PDZD2: variants seen among roughly 807,000 people sequenced by gnomAD.
The protein encoded by PDZD2 is PDZ domain containing 2.
A neutral mutation model predicts 220.7 loss-of-function variants in PDZD2; 90 were observed. The ratio of observed to expected loss-of-function variants is 0.41; its 90% CI spans 0.34 to 0.49. The LOEUF is 0.49. Among genes scored for constraint, PDZD2 ranks in the 20% least tolerant of loss-of-function variants. PDZD2 has a pLI of 0.28. For synonymous variants in PDZD2, 1,375 were observed against 1,450.5 expected, an observed-to-expected ratio of 0.95 and a Z score of 1.18; for missense variants, 3,174 against 3,608.5, an observed-to-expected ratio of 0.88 and a Z score of 3.08.
chr5:31,926,202 G>A (rs530573282), intron 2 of PDZD2, among the ~76,000 whole-genome samples: 67 of 145,468 alleles, frequency 4.6e-4, no homozygotes, highest in Non-Finnish European at 7.8e-4. Context: ...CCTGGGCAAC[G>A]GAGCAAGACC....
At chr5:32,025,245 G>C (rs1465128885) in intron 6 of PDZD2, among the ~76,000 whole-genome samples, 3 of 152,202 alleles carry the variant, frequency 2.0e-5, no homozygotes, top group African/African-American at 4.8e-5. Flanking sequence ...GTGAGCCCTG[G>C]CCGGGTGCGG....
At chr5:32,097,551 A>G (rs1400823554) in intron 22 of PDZD2, among the ~76,000 whole-genome samples, 171 bp downstream of exon 22, 1 of 152,240 alleles carries the variant, frequency 6.6e-6, no homozygotes, top group Non-Finnish European at 1.5e-5. Context: ...TTTCGTTGAC[A>G]AAAGACAAGC....
At chr5:31,697,234 G>A (rs1374703233) in intron 1 of PDZD2, among the ~76,000 whole-genome samples, 1 of 152,200 alleles carries the variant, frequency 6.6e-6, no homozygotes, top group African/African-American at 2.4e-5. Flanking sequence ...AGGCCAAGGT[G>A]GGTGGATCAC....
rs368819134 is a variant in PDZD2, at chr5:32,052,712, G to A, written c.1767G>A (p.Leu589=). 3 of 1,614,018 alleles carry A rather than the reference G, an allele frequency of 1.9e-6. No individual in the cohort carries two copies. Among genetic ancestry groups the A allele is most frequent in the African/African-American group, 1.3e-5 (1 of 75,066 alleles). The part of the protein sequence containing the change: ...IRPSVISIIG[L]YKEKGKGLGF... ...CATCCGTCATCTCGATCATTGGGTT[G>A]TACAAAGAAAAAGGCAAGGTGAGCT... Residue 589 remains leucine (L), a synonymous_variant, in exon 9 of 25, where the codon TTG becomes TTA. Transcript: ENST00000438447.
rs556457640 is a variant in PDZD2, at chr5:31,672,006, T to G, written c.-361+32569T>G. ...ATTCTGATGCCTGAGGATGGATAATTGTTGTGGGAGCTGCCCATGGACAGT... is the reference window on the plus strand; with the variant it reads ...ATTCTGATGCCTGAGGATGGATAATGGTTGTGGGAGCTGCCCATGGACAGT... On this transcript the variant is annotated intron_variant, in intron 1 of 24. Transcript: ENST00000438447. 2.0e-5 allele frequency among the ~76,000 whole-genome samples: 3 copies of G among 152,150 alleles called. No homozygotes were observed. In the East Asian group the frequency reaches 5.8e-4, roughly 29 times the overall value.
At chr5:32,034,277 T>TA (rs1755353246) in intron 6 of PDZD2, among the ~76,000 whole-genome samples, 1 of 152,074 alleles carries the variant, frequency 6.6e-6, no homozygotes, top group East Asian at 1.9e-4. Flanking sequence ...AAGGCGGTAA[T>TA]GTCTTACAAG....
intron 19 of PDZD2, among the ~76,000 whole-genome samples, chr5:32,079,590 C>T (rs1049681270): frequency 5.3e-5 from 8 of 150,814 alleles, no homozygotes; most frequent in African/African-American, 1.9e-4. Context: ...GTGGATCCCC[C>T]GAGGTCAGGA....
chr5:31,682,425 A>T (rs80252059), intron 1 of PDZD2, among the ~76,000 whole-genome samples: 1,781 of 152,304 alleles, frequency 0.012, 38 homozygotes, highest in African/African-American at 0.04. Context: ...AAAGGTGGTT[A>T]ATTGGGAGAA....
chr5:31,932,309 G>A (rs1388911626), intron 2 of PDZD2, among the ~76,000 whole-genome samples: 1 of 152,168 alleles, frequency 6.6e-6, no homozygotes, highest in Non-Finnish European at 1.5e-5. Flanking sequence ...TGTACTTTAG[G>A]AGGCCGAGGC....
intron 14 of PDZD2, among the ~76,000 whole-genome samples, chr5:32,065,502 C>G (rs1740132945): frequency 6.6e-6 from 1 of 152,144 alleles, no homozygotes; most frequent in African/African-American, 2.4e-5. Flanking sequence ...TTCTTGGTGG[C>G]ATCAATTTAG....
chr5:32,070,402 A>G (rs1740630023), intron 15 of PDZD2, among the ~76,000 whole-genome samples: 1 of 152,200 alleles, frequency 6.6e-6, no homozygotes, highest in African/African-American at 2.4e-5. Context: ...TAGGCTTTCT[A>G]TTCAACCAGT....
chr5:32,063,363 T>C (rs1182172835), intron 14 of PDZD2, among the ~76,000 whole-genome samples: 1 of 152,112 alleles, frequency 6.6e-6, no homozygotes, highest in Admixed American at 6.6e-5. Flanking sequence ...GACTCTTTCT[T>C]ACTTACAAGT....
At chr5:32,097,196 C>A in intron 21 of PDZD2, 83 bp from the exon 22 acceptor site, 4 of 879,020 alleles carry the variant, frequency 4.6e-6, no homozygotes, top group Non-Finnish European at 7.7e-6. Context: ...AGCTTCCTTA[C>A]TCCTGGCCCA....
intron 1 of PDZD2, among the ~76,000 whole-genome samples, chr5:31,715,727 A>G (rs72755433): frequency 1.1e-3 from 165 of 152,376 alleles, no homozygotes; most frequent in Non-Finnish European, 1.9e-3. Flanking sequence ...GCATTCAAGT[A>G]TAATTTGTTG....
chr5:31,858,972 C>T (rs539174814), intron 2 of PDZD2, among the ~76,000 whole-genome samples: 2 of 152,254 alleles, frequency 1.3e-5, no homozygotes, highest in East Asian at 1.9e-4. Flanking sequence ...GCCTCAGCCT[C>T]CCAAAGTGCT....
chr5:31,757,562 A>G (rs1751369283), intron 1 of PDZD2, among the ~76,000 whole-genome samples: 1 of 151,934 alleles, frequency 6.6e-6, no homozygotes, highest in African/African-American at 2.4e-5. Context: ...AGTGCACTCC[A>G]GCCTGGGAGA....
At position 32,087,702 on chromosome 5, in the gene PDZD2, G is replaced by A. The variant is rs3733720; in HGVS notation, c.4254G>A (p.Gly1418=). 27 of 1,613,996 alleles carry A rather than the reference G, an allele frequency of 1.7e-5. No homozygotes were observed. Among genetic ancestry groups the A allele is most frequent in the South Asian group, 8.8e-5 (8 of 91,080 alleles). The change falls in exon 20 of 25, where the codon GGG becomes GGA. Residue 1418 remains glycine, a synonymous_variant. Coordinates refer to ENST00000438447, the MANE Select transcript of PDZD2 (RefSeq NM_178140.4). The surrounding 1 kb of genome is among the most constrained non-coding windows in gnomAD (Gnocchi z 4.0). ...TCTCGGGGCACTGCTGCCCAGGGGG[G>A]AGTAGAGAGAGCCCTGTGACGGACA... ...GHVSGHCCPG[G]SRESPVTDID...
chr5:31,859,851 C>G (rs1159726053), intron 2 of PDZD2, among the ~76,000 whole-genome samples: 2 of 152,152 alleles, frequency 1.3e-5, no homozygotes, highest in Non-Finnish European at 2.9e-5. Context: ...ACTAACCTTT[C>G]CATACATGTA....
At chr5:31,735,630 T>C (rs181095189) in intron 1 of PDZD2, among the ~76,000 whole-genome samples, 65 of 151,858 alleles carry the variant, frequency 4.3e-4, no homozygotes, top group African/African-American at 1.4e-3. Flanking sequence ...CGAAACCCCA[T>C]CTCTACTAAA....
Sources: allele counts gnomAD v4.1 joint callset (sites outside exome capture counted in the v4.1 genomes callset), GRCh38; gene constraint gnomAD v4.1.1; non-coding constraint Gnocchi (gnomAD v3.1); transcripts MANE v1.5; gene names NCBI Gene and HGNC (gene_info 2026-07-23, HGNC 2026-07-21).